Variants in FAM76A observed in about 807,000 individuals in gnomAD.
The protein encoded by FAM76A is family with sequence similarity 76 member A, also known as protein FAM76A.
In FAM76A, 32 loss-of-function variants were observed where a neutral mutation model predicts 46.2. The ratio of observed to expected loss-of-function variants is 0.69; its 90% CI spans 0.52 to 0.93. The LOEUF is 0.93. Among genes scored for constraint, FAM76A ranks in the 40% least tolerant of loss-of-function variants. FAM76A has a pLI of 0.00. For missense variants in FAM76A, 274 were observed against 361.5 expected, an observed-to-expected ratio of 0.76 and a Z score of 1.96; for synonymous variants, 137 against 127.0, an observed-to-expected ratio of 1.08 and a Z score of -0.53.
At chr1:27,744,544 A>G (rs989831478) in intron 4 of FAM76A, 110 bp from the exon 5 acceptor site, 5 of 1,137,028 alleles carry the variant, frequency 4.4e-6, no homozygotes, top group East Asian at 2.4e-5. Flanking sequence ...AAGTCACAGC[A>G]CATAAGTTTC....
intron 2 of FAM76A, among the ~76,000 whole-genome samples, chr1:27,732,238 T>C (rs1468500434): frequency 6.6e-6 from 1 of 152,172 alleles, no homozygotes; most frequent in Non-Finnish European, 1.5e-5. Flanking sequence ...GAGACCAGCC[T>C]GGCCAACATG....
intron 5 of FAM76A, among the ~76,000 whole-genome samples, chr1:27,747,379 C>T (rs12734020): frequency 0.016 from 2,481 of 152,226 alleles, 125 homozygotes; most frequent in East Asian, 0.16. Flanking sequence ...ACGAGGAGAA[C>T]ATTTGAAGAA....
At chr1:27,727,800 A>ATTTTTTTTTTTTTTTTTTTTTTTTT (rs10716346) in intron 2 of FAM76A, among the ~76,000 whole-genome samples, 1 of 64,560 alleles carries the variant, frequency 1.5e-5, no homozygotes, top group African/African-American at 5.5e-5. Context: ...GATTGCTTAA[A>ATTTTTTTTTTTTTTTTTTTTTTTTT]TTTTTTTTTT....
chr1:27,732,449 A>G (rs376053712), intron 2 of FAM76A, among the ~76,000 whole-genome samples, 154 bp from the exon 3 acceptor site: 22 of 152,142 alleles, frequency 1.4e-4, no homozygotes, highest in Non-Finnish European at 2.8e-4. Context: ...ATAAAAATAA[A>G]AGAGTTATTA....
At chr1:27,736,814 T>C (rs1028732185) in intron 4 of FAM76A, among the ~76,000 whole-genome samples, 1 of 152,116 alleles carries the variant, frequency 6.6e-6, no homozygotes, top group Admixed American at 6.6e-5. Flanking sequence ...GGTTTCACCA[T>C]GTTGGCCAGG....
At chr1:27,734,950 A>T (rs1320666317) in intron 4 of FAM76A, among the ~76,000 whole-genome samples, 1 of 152,240 alleles carries the variant, frequency 6.6e-6, no homozygotes, top group Non-Finnish European at 1.5e-5. Flanking sequence ...GTTTGGTCAT[A>T]TTACTCTCTT....
chr1:27,759,278 G>A (rs2088464377), intron 7 of FAM76A, among the ~76,000 whole-genome samples: 1 of 152,124 alleles, frequency 6.6e-6, no homozygotes. Context: ...CTGCAACATA[G>A]TAAAAGTTCA....
intron 3 of FAM76A, 86 bp downstream of exon 3, chr1:27,732,743 A>G: frequency 1.0e-6 from 1 of 994,536 alleles, no homozygotes; most frequent in Non-Finnish European, 1.5e-6. Flanking sequence ...CCATTACAAT[A>G]TTTTTATTAG....
At chr1:27,732,216 G>A (rs192149085) in intron 2 of FAM76A, among the ~76,000 whole-genome samples, 1 of 152,308 alleles carries the variant, frequency 6.6e-6, no homozygotes, top group Non-Finnish European at 1.5e-5. Flanking sequence ...GATCGCTTGA[G>A]GTCAGGAGTT....
chr1:27,759,356 G>A (rs1216224718), intron 7 of FAM76A, among the ~76,000 whole-genome samples, 170 bp from the exon 8 acceptor site: 3 of 152,110 alleles, frequency 2.0e-5, no homozygotes, highest in African/African-American at 4.8e-5. Context: ...GTAATTTTCA[G>A]GAAAGCTTTA....
chr1:27,758,807 CA>C (rs2088458818), intron 7 of FAM76A, among the ~76,000 whole-genome samples: 1 of 151,914 alleles, frequency 6.6e-6, no homozygotes, highest in Non-Finnish European at 1.5e-5. Flanking sequence ...CATGAGCCAC[CA>C]CTCCTGGCCC....
chr1:27,740,351 T>TA (rs2088130780), intron 4 of FAM76A: 12 of 1,052,694 alleles, frequency 1.1e-5, no homozygotes, highest in Middle Eastern at 4.1e-4. Flanking sequence ...ATCAAATAGA[T>TA]ACGGCCTTGG....
In FAM76A at chr1:27,732,648, G is replaced by T. The variant is rs146195844; in HGVS notation, c.192G>T (p.Leu64Phe). 7 of 1,607,690 alleles carry T rather than the reference G, an allele frequency of 4.4e-6. No individual in the cohort carries two copies. The East Asian group carries it at 1.6e-4, about 36-fold the overall frequency. Residue 64 changes from leucine (L) to phenylalanine (F), a missense_variant, in exon 3 of 9, where the codon TTG becomes TTT. Physicochemically the swap from Leu to Phe is conservative, Grantham distance 22. Transcript: ENST00000373954. ...ICKKCAQNVQ[L>F]YGTPKPCQYC... ...AGAAATGTGCTCAGAACGTGCAGTT[G>T]TATGGAACGGTAAGTAGGATATTTT...
Position 27,754,348 on chromosome 1 carries a change from C to T in FAM76A, c.600-847C>T, listed in dbSNP as rs567400510. Reference sequence around the variant, plus strand: ...CTTGAACTCCTGACCTCAGGTGATCCGCCTGCCTTGGCCTCCCAAAGTGCT... The same window carrying T: ...CTTGAACTCCTGACCTCAGGTGATCTGCCTGCCTTGGCCTCCCAAAGTGCT... On this transcript the variant is annotated intron_variant, in intron 6 of 8. Transcript: ENST00000373954. Among the ~76,000 whole-genome samples, 7 of 152,172 alleles carry T rather than the reference C, an allele frequency of 4.6e-5. No homozygotes were observed. The East Asian group carries it at 5.8e-4, about 13-fold the overall frequency.
At chr1:27,733,736 C>T (rs2087997099) in intron 3 of FAM76A, among the ~76,000 whole-genome samples, 1 of 152,114 alleles carries the variant, frequency 6.6e-6, no homozygotes, top group Non-Finnish European at 1.5e-5. Flanking sequence ...GTAATCCCAG[C>T]TACTCCGGAG....
At chr1:27,747,575 C>T (rs1029312719) in intron 5 of FAM76A, among the ~76,000 whole-genome samples, 15 of 152,150 alleles carry the variant, frequency 9.9e-5, no homozygotes, top group Admixed American at 9.8e-4. Flanking sequence ...GATTTTTAGT[C>T]TTGTAGTTTG....
chr1:27,741,317 C>G (rs2088149253), intron 4 of FAM76A, among the ~76,000 whole-genome samples: 1 of 150,484 alleles, frequency 6.6e-6, no homozygotes, highest in Non-Finnish European at 1.5e-5. Flanking sequence ...TTCCAAGTAG[C>G]TAGGACTACA....
In FAM76A at chr1:27,757,698, C is replaced by T. The variant is rs546583188; in HGVS notation, c.736-1828C>T. Among the ~76,000 whole-genome samples the T allele has an allele frequency of 8.0e-5, 12 of 150,436 alleles. No individual in the cohort carries two copies. The East Asian group carries it at 2.1e-3, about 26-fold the overall frequency. On this transcript the variant is annotated intron_variant, in intron 7 of 8. Coordinates refer to ENST00000373954, the MANE Select transcript of FAM76A (RefSeq NM_152660.3). ...TATTCTTATAAAAAGCCTTTGAGGC[C>T]GGGCTTGGTGGCTCATGCCTGTAAT... is the stretch of plus-strand genomic sequence containing the variant.
intron 5 of FAM76A, among the ~76,000 whole-genome samples, chr1:27,745,091 C>A (rs1285258377): frequency 6.6e-6 from 1 of 152,220 alleles, no homozygotes; most frequent in African/African-American, 2.4e-5. Context: ...AGTGGATTCT[C>A]TCTCCAGAAA....
Sources: gnomAD v4.1 joint callset for allele counts (sites outside exome capture counted in the v4.1 genomes callset) on GRCh38, gnomAD v4.1.1 for gene constraint, MANE v1.5 for transcripts, NCBI Gene and HGNC (gene_info 2026-07-23, HGNC 2026-07-21) for gene names.